BTBD9: variants seen among roughly 807,000 people sequenced by gnomAD.
BTBD9 encodes the protein BTB domain containing 9.
BTBD9 carries 49 observed loss-of-function variants against 64.3 expected under a neutral mutation model. That is an observed-to-expected ratio of 0.76 (90% CI 0.61 to 0.97). The LOEUF (loss-of-function observed/expected upper bound fraction) is 0.97. BTBD9 is among the 50% of genes least tolerant of loss of function. BTBD9 has a pLI of 0.00. For synonymous variants in BTBD9, 260 were observed against 274.7 expected, an observed-to-expected ratio of 0.95 and a Z score of 0.53; for missense variants, 598 against 762.1, an observed-to-expected ratio of 0.78 and a Z score of 2.53.
At chr6:38,531,869 G>A (rs1044160408) in intron 6 of BTBD9, among the ~76,000 whole-genome samples, 3 of 152,118 alleles carry the variant, frequency 2.0e-5, no homozygotes, top group African/African-American at 7.2e-5. Context: ...GCAGGGAGAA[G>A]GCACAGCAAG....
chr6:38,456,748 T>C (rs1769829281), intron 6 of BTBD9, among the ~76,000 whole-genome samples: 1 of 152,180 alleles, frequency 6.6e-6, no homozygotes, highest in Admixed American at 6.5e-5. Flanking sequence ...TTTATATATT[T>C]TGGGTATAAA....
intron 6 of BTBD9, among the ~76,000 whole-genome samples, chr6:38,556,337 C>A (rs1357867007): frequency 1.3e-5 from 2 of 152,126 alleles, no homozygotes; most frequent in Non-Finnish European, 2.9e-5. Flanking sequence ...CATTCACTAA[C>A]TATAACAGCA....
At chr6:38,615,466 T>C (rs993663984) in intron 1 of BTBD9, among the ~76,000 whole-genome samples, 19 of 152,110 alleles carry the variant, frequency 1.2e-4, no homozygotes, top group African/African-American at 4.6e-4. Context: ...CCAACTCCTC[T>C]CCTGGCACAT....
intron 8 of BTBD9, among the ~76,000 whole-genome samples, chr6:38,277,368 C>T (rs1761312575): frequency 6.6e-6 from 1 of 151,212 alleles, no homozygotes; most frequent in Non-Finnish European, 1.5e-5. Context: ...GAGTCTCACT[C>T]TGTCACCCAG....
intron 7 of BTBD9, among the ~76,000 whole-genome samples, chr6:38,328,101 T>C (rs577798631): frequency 4.9e-4 from 75 of 152,356 alleles, no homozygotes; most frequent in Admixed American, 1.4e-3. Context: ...ACTGAAAATA[T>C]GTAATACTTT....
intron 6 of BTBD9, among the ~76,000 whole-genome samples, chr6:38,455,289 C>T (rs58110328): frequency 0.013 from 1,922 of 152,276 alleles, 46 homozygotes; most frequent in African/African-American, 0.044. Flanking sequence ...TCTCACCTCA[C>T]CCTTAACCCT....
chr6:38,446,495 G>A (rs1030460419), intron 6 of BTBD9, among the ~76,000 whole-genome samples: 3 of 151,992 alleles, frequency 2.0e-5, no homozygotes, highest in South Asian at 2.1e-4. Flanking sequence ...TTTCTGTCAC[G>A]TGTTTTCACA....
intron 6 of BTBD9, among the ~76,000 whole-genome samples, chr6:38,423,698 C>A (rs1244196384): frequency 2.0e-5 from 3 of 152,022 alleles, no homozygotes; most frequent in Non-Finnish European, 4.4e-5. Flanking sequence ...GGGAATTAGA[C>A]CCAAAATAAT....
At chr6:38,598,833 T>C (rs1777151565) in intron 1 of BTBD9, among the ~76,000 whole-genome samples, 1 of 151,962 alleles carries the variant, frequency 6.6e-6, no homozygotes, top group African/African-American at 2.4e-5. Flanking sequence ...AAGAGAATCG[T>C]TTGAACCCAG....
chr6:38,219,774 C>G (rs1441231024), intron 9 of BTBD9, among the ~76,000 whole-genome samples: 1 of 152,164 alleles, frequency 6.6e-6, no homozygotes, highest in Non-Finnish European at 1.5e-5. Context: ...ATTTGTTATA[C>G]TTTTCTGCAA....
At chr6:38,456,989 T>C (rs1269247038) in intron 6 of BTBD9, among the ~76,000 whole-genome samples, 1 of 152,106 alleles carries the variant, frequency 6.6e-6, no homozygotes, top group Non-Finnish European at 1.5e-5. Flanking sequence ...GAGGTGATAT[T>C]TAAACTAAGG....
chr6:38,174,100 C>G lies in BTBD9; in HGVS notation c.*885G>C, dbSNP rs1766900199. On this transcript the variant is annotated 3_prime_UTR_variant, in exon 11 of 11. Coordinates refer to ENST00000481247, the MANE Select transcript of BTBD9 (RefSeq NM_001099272.2). Reference sequence around the variant, plus strand: ...CCACGGCAGTCCCCGGCAGGTTTGGCCACGCCAGAACTCGGTATATGTTTA... The same window carrying G: ...CCACGGCAGTCCCCGGCAGGTTTGGGCACGCCAGAACTCGGTATATGTTTA... 6.6e-6 allele frequency: 1 copy of G among 152,206 alleles called. No individual in the cohort carries two copies. 9.4% of individuals were successfully genotyped at this position (152,206 alleles called of 1,614,324 possible).
chr6:38,545,843 CACACACACACAT>C (rs1170719159), intron 6 of BTBD9, among the ~76,000 whole-genome samples: 122 of 119,978 alleles, frequency 1.0e-3, no homozygotes, highest in East Asian at 4.2e-3. Flanking sequence ...TTAAAACACA[CACACACACACAT>C]ACACACACAC....
intron 6 of BTBD9, among the ~76,000 whole-genome samples, chr6:38,559,067 G>C (rs1775154825): frequency 6.6e-6 from 1 of 152,088 alleles, no homozygotes; most frequent in African/African-American, 2.4e-5. Context: ...TGGTTGCTAA[G>C]TTTACTATAA....
chr6:38,610,102 G>C (rs1358339099), intron 1 of BTBD9, among the ~76,000 whole-genome samples: 2 of 152,184 alleles, frequency 1.3e-5, no homozygotes, highest in East Asian at 1.9e-4. Context: ...AATGTTGTTA[G>C]ATTTCATTAG....
intron 1 of BTBD9, among the ~76,000 whole-genome samples, chr6:38,628,571 A>G (rs1282694789): frequency 6.6e-6 from 1 of 152,198 alleles, no homozygotes; most frequent in African/African-American, 2.4e-5. Flanking sequence ...TAAACTCCGC[A>G]GTGTAGGGTT....
chr6:38,324,911 AC>A (rs1763363919), intron 7 of BTBD9, among the ~76,000 whole-genome samples: 2 of 152,312 alleles, frequency 1.3e-5, no homozygotes, highest in Non-Finnish European at 1.5e-5. Flanking sequence ...GGTTTCCATC[AC>A]CAGGGGAATC....
At chr6:38,364,164 G>A (rs1765093939) in intron 6 of BTBD9, among the ~76,000 whole-genome samples, 2 of 152,106 alleles carry the variant, frequency 1.3e-5, no homozygotes, top group Admixed American at 1.3e-4. Flanking sequence ...TGGTGCCAAG[G>A]GACATTTGGA....
intron 9 of BTBD9, among the ~76,000 whole-genome samples, chr6:38,240,286 T>C (rs1277463174): frequency 6.6e-6 from 1 of 152,226 alleles, no homozygotes; most frequent in Admixed American, 6.5e-5. Flanking sequence ...CACAAATGCC[T>C]CTATTTGCAT....
Sources: allele counts gnomAD v4.1 joint callset (sites outside exome capture counted in the v4.1 genomes callset), GRCh38; gene constraint gnomAD v4.1.1; transcripts MANE v1.5; gene names NCBI Gene and HGNC (gene_info 2026-07-23, HGNC 2026-07-21).